GPBP1: variants seen among roughly 807,000 people sequenced by gnomAD.
GPBP1 encodes vasculin.
Under a neutral mutation model 56.5 loss-of-function variants are expected in GPBP1, and 13 were observed. That is an observed-to-expected ratio of 0.23 (90% CI 0.15 to 0.37). The LOEUF (loss-of-function observed/expected upper bound fraction) is 0.37. Among genes scored for constraint, GPBP1 ranks in the 10% least tolerant of loss-of-function variants. The pLI, the probability that GPBP1 is intolerant of heterozygous loss-of-function variation, is 1.00. For missense variants in GPBP1, 477 were observed against 572.3 expected (o/e 0.83, Z 1.70); for synonymous variants, 204 against 188.9 (o/e 1.08, Z -0.66).
At chr5:57,189,193 C>G (rs1754416811) in intron 2 of GPBP1, among the ~76,000 whole-genome samples, 1 of 152,178 alleles carries the variant, frequency 6.6e-6, no homozygotes, top group South Asian at 2.1e-4. Context: ...TATCTCAGTT[C>G]ACTGCAACTT....
intron 10 of GPBP1, among the ~76,000 whole-genome samples, chr5:57,252,640 G>T (rs535284761): frequency 6.6e-6 from 1 of 152,018 alleles, no homozygotes; most frequent in African/African-American, 2.4e-5. Context: ...CGATCCTCCC[G>T]TCTCGCCCTC....
At chr5:57,241,607 T>A (rs1740831812) in intron 6 of GPBP1, among the ~76,000 whole-genome samples, 1 of 152,176 alleles carries the variant, frequency 6.6e-6, no homozygotes, top group Non-Finnish European at 1.5e-5. Flanking sequence ...TACATTTATT[T>A]GCGAGGATAG....
At chr5:57,174,470 T>TG (rs1247058709) in intron 1 of GPBP1, among the ~76,000 whole-genome samples, 3 of 151,828 alleles carry the variant, frequency 2.0e-5, no homozygotes, top group Non-Finnish European at 4.4e-5. Flanking sequence ...GCGGCTTGGT[T>TG]GGGGGGTGTT....
At chr5:57,217,951 T>C (rs1290286978) in intron 3 of GPBP1, among the ~76,000 whole-genome samples, 3 of 152,218 alleles carry the variant, frequency 2.0e-5, no homozygotes, top group South Asian at 2.1e-4. Flanking sequence ...TTTTCACTTA[T>C]GAAATTTTTT....
At chr5:57,211,410 A>G (rs1335189020) in intron 2 of GPBP1, among the ~76,000 whole-genome samples, 1 of 152,058 alleles carries the variant, frequency 6.6e-6, no homozygotes, top group South Asian at 2.1e-4. Context: ...GCCGGCCTCA[A>G]TCTCCTGGGC....
At chr5:57,187,511 T>C (rs1754343030) in intron 2 of GPBP1, among the ~76,000 whole-genome samples, 1 of 152,100 alleles carries the variant, frequency 6.6e-6, no homozygotes, top group South Asian at 2.1e-4. Context: ...AAGGCAAAAA[T>C]GTAAGATTCC....
intron 2 of GPBP1, among the ~76,000 whole-genome samples, chr5:57,195,119 G>C (rs79202769): frequency 0.024 from 3,704 of 152,046 alleles, 94 homozygotes; most frequent in East Asian, 0.13. Flanking sequence ...TATAAGATCA[G>C]TGTCTTTGAA....
intron 11 of GPBP1, 93 bp downstream of exon 11, chr5:57,261,375 G>A: frequency 2.7e-6 from 2 of 728,896 alleles, no homozygotes; most frequent in Non-Finnish European, 4.8e-6. Flanking sequence ...GGAGATTTAG[G>A]AATTTATCAC....
chr5:57,242,883 G>A (rs933550775), intron 6 of GPBP1, among the ~76,000 whole-genome samples: 2 of 151,668 alleles, frequency 1.3e-5, no homozygotes, highest in Non-Finnish European at 2.9e-5. Flanking sequence ...CCGAGTAGCC[G>A]GGATTAGAGA....
At chr5:57,247,915 T>C (rs1215057790) in intron 8 of GPBP1, among the ~76,000 whole-genome samples, 1 of 152,006 alleles carries the variant, frequency 6.6e-6, no homozygotes, top group Non-Finnish European at 1.5e-5. Flanking sequence ...GCTAATTTTT[T>C]ACTTTTTGTA....
intron 10 of GPBP1, among the ~76,000 whole-genome samples, chr5:57,253,814 G>A (rs144782340): frequency 1.9e-3 from 283 of 152,288 alleles, no homozygotes; most frequent in African/African-American, 6.6e-3. Flanking sequence ...AGCTCTCACT[G>A]TGTCACTGTG....
intron 2 of GPBP1, among the ~76,000 whole-genome samples, chr5:57,195,934 C>T (rs957554233): frequency 2.6e-5 from 3 of 115,792 alleles, no homozygotes; most frequent in African/African-American, 1.0e-4. Context: ...ACTAGAGAGG[C>T]GGAGATTGTA....
intron 8 of GPBP1, among the ~76,000 whole-genome samples, chr5:57,248,614 T>G (rs1320745498): frequency 6.6e-6 from 1 of 152,010 alleles, no homozygotes; most frequent in African/African-American, 2.4e-5. Flanking sequence ...TTTTGTATTT[T>G]TAGTAGAGAC....
rs147287580 is a variant in GPBP1 at position 57,188,965 on chromosome 5, C to T, written c.-58+12565C>T. ...TCATTAATATCCCACTGCTACTAGACTTGTACAAGCCTCTTTCTGTCTGTC... is the reference window on the plus strand; with the variant it reads ...TCATTAATATCCCACTGCTACTAGATTTGTACAAGCCTCTTTCTGTCTGTC... On this transcript the variant is annotated intron_variant, in intron 2 of 11. Transcript: ENST00000506184. Among the ~76,000 whole-genome samples the T allele has an allele frequency of 3.1e-3, 475 of 152,156 alleles. 4 individuals carry two copies. The highest frequency in any genetic ancestry group is 0.011 in the African/African-American group (454 of 41,544).
chr5:57,254,723 A>G (rs1197383902), intron 10 of GPBP1, among the ~76,000 whole-genome samples: 1 of 151,564 alleles, frequency 6.6e-6, no homozygotes, highest in African/African-American at 2.4e-5. Flanking sequence ...TAAGTTTTGT[A>G]TTTGGACCTT....
intron 2 of GPBP1, among the ~76,000 whole-genome samples, chr5:57,209,427 A>T (rs145928798): frequency 1.3e-5 from 2 of 152,258 alleles, no homozygotes; most frequent in East Asian, 3.9e-4. Flanking sequence ...CAGGCTCCCA[A>T]GTATCTGGGA....
intron 10 of GPBP1, among the ~76,000 whole-genome samples, chr5:57,252,863 C>G (rs1741458624): frequency 1.3e-5 from 2 of 151,996 alleles, no homozygotes; most frequent in African/African-American, 4.8e-5. Flanking sequence ...GCACACGCCA[C>G]CATGCCTGGC....
At chr5:57,219,077 G>A (rs909243767) in intron 3 of GPBP1, among the ~76,000 whole-genome samples, 1 of 151,930 alleles carries the variant, frequency 6.6e-6, no homozygotes, top group Non-Finnish European at 1.5e-5. Flanking sequence ...TTCATAGACT[G>A]TAAAAAAGGG....
At chr5:57,178,135 C>G (rs561852769) in intron 2 of GPBP1, among the ~76,000 whole-genome samples, 3 of 152,254 alleles carry the variant, frequency 2.0e-5, no homozygotes, top group African/African-American at 7.2e-5. Flanking sequence ...GTTCATTCCT[C>G]AATTCAATGA....
Sources: gnomAD v4.1 joint callset for allele counts (sites outside exome capture counted in the v4.1 genomes callset) on GRCh38, gnomAD v4.1.1 for gene constraint, MANE v1.5 for transcripts, NCBI Gene and HGNC (gene_info 2026-07-23, HGNC 2026-07-21) for gene names.